Variants in PTPRD observed in about 807,000 individuals in gnomAD.
PTPRD encodes protein tyrosine phosphatase receptor type D, also known as receptor-type tyrosine-protein phosphatase delta.
PTPRD carries 34 observed loss-of-function variants against 214.5 expected under a neutral mutation model. The ratio of observed to expected loss-of-function variants is 0.16; its 90% CI spans 0.12 to 0.21. The LOEUF (loss-of-function observed/expected upper bound fraction) is 0.21, where lower values mean the gene tolerates loss of function less well. Ranked by LOEUF, PTPRD falls within the 10% of genes least tolerant of loss-of-function variation. PTPRD has a pLI of 1.00. For missense variants in PTPRD, 2,545 were observed against 2,398.7 expected, an observed-to-expected ratio of 1.06 and a Z score of -1.27; for synonymous variants, 1,128 against 845.7, an observed-to-expected ratio of 1.33 and a Z score of -5.79.
chr9:8,966,748 A>G (rs2099197777), intron 11 of PTPRD, among the ~76,000 whole-genome samples: 1 of 151,970 alleles, frequency 6.6e-6, no homozygotes, highest in African/African-American at 2.4e-5. Context: ...AAACCAAAAC[A>G]TGACAAATTA....
At chr9:9,759,230 T>C (rs2098626690) in intron 6 of PTPRD, among the ~76,000 whole-genome samples, 1 of 152,200 alleles carries the variant, frequency 6.6e-6, no homozygotes, top group Admixed American at 6.5e-5. Flanking sequence ...CTAGCCTGTG[T>C]TCAGTCAGTC....
intron 5 of PTPRD, among the ~76,000 whole-genome samples, chr9:9,874,305 A>G (rs1419245593): frequency 1.3e-5 from 2 of 152,152 alleles, no homozygotes; most frequent in African/African-American, 4.8e-5. Context: ...CTAATTTTTG[A>G]TTATATAATC....
chr9:9,061,742 C>A (rs2099707813), intron 10 of PTPRD, among the ~76,000 whole-genome samples: 2 of 152,098 alleles, frequency 1.3e-5, no homozygotes, highest in African/African-American at 4.8e-5. Flanking sequence ...ATTCTGTATC[C>A]TACCGAGGGC....
chr9:9,187,270 A>G (rs2099932182), intron 9 of PTPRD, among the ~76,000 whole-genome samples: 1 of 152,036 alleles, frequency 6.6e-6, no homozygotes, highest in Non-Finnish European at 1.5e-5. Flanking sequence ...AGATTTCATT[A>G]GGAAGCTTTC....
intron 3 of PTPRD, among the ~76,000 whole-genome samples, chr9:10,212,488 T>A (rs1192488203): frequency 6.6e-6 from 1 of 152,160 alleles, no homozygotes; most frequent in African/African-American, 2.4e-5. Context: ...GCATTATTCA[T>A]TTTCATAGTG....
chr9:8,889,776 G>A (rs192858006), intron 11 of PTPRD, among the ~76,000 whole-genome samples: 1 of 152,150 alleles, frequency 6.6e-6, no homozygotes, highest in Non-Finnish European at 1.5e-5. Context: ...TCCAGGTTGC[G>A]TGAATGTCAT....
chr9:9,927,792 T>A (rs989918275), intron 5 of PTPRD, among the ~76,000 whole-genome samples: 4 of 152,146 alleles, frequency 2.6e-5, no homozygotes, highest in Non-Finnish European at 5.9e-5. Flanking sequence ...GAGAGCCATC[T>A]TTTTCAGAGT....
In PTPRD at chr9:10,585,646, A is replaced by G. The variant is rs2073646632; in HGVS notation, c.-600+26752T>C. The stretch of plus-strand genomic sequence containing the variant: ...TTTTAAAAAATATAGTGAAGGGGGA[A>G]ATTTAAAGTATCTCTAAATTGTAGG... On this transcript the variant is annotated intron_variant, in intron 2 of 45. Transcript: ENST00000381196. Among the ~76,000 whole-genome samples the G allele has an allele frequency of 2.0e-5, 3 of 152,158 alleles. No homozygotes were observed. The South Asian group carries it at 6.2e-4, about 32-fold the overall frequency.
chr9:8,854,905 T>C (rs1162181407), intron 11 of PTPRD, among the ~76,000 whole-genome samples: 1 of 152,184 alleles, frequency 6.6e-6, no homozygotes, highest in African/African-American at 2.4e-5. Context: ...ATGTTCCTTC[T>C]TGTTTATCTT....
chr9:9,899,540 G>T (rs2075875625), intron 5 of PTPRD, among the ~76,000 whole-genome samples: 1 of 151,964 alleles, frequency 6.6e-6, no homozygotes, highest in Admixed American at 6.6e-5. Flanking sequence ...TTATCAAAAA[G>T]ATGAAAGATA....
At chr9:10,056,522 T>C (rs1354967479) in intron 3 of PTPRD, among the ~76,000 whole-genome samples, 5 of 152,112 alleles carry the variant, frequency 3.3e-5, no homozygotes, top group Admixed American at 1.3e-4. Flanking sequence ...TTTACTCTGT[T>C]CTTTGTTTTT....
chr9:9,036,699 G>C (rs2099622946), intron 10 of PTPRD, among the ~76,000 whole-genome samples: 1 of 152,072 alleles, frequency 6.6e-6, no homozygotes, highest in Non-Finnish European at 1.5e-5. Flanking sequence ...AAAATGTATT[G>C]TTTATCTTTA....
intron 9 of PTPRD, among the ~76,000 whole-genome samples, chr9:9,275,169 T>A (rs1319288062): frequency 1.3e-4 from 5 of 37,882 alleles, no homozygotes; most frequent in Non-Finnish European, 2.2e-4. Flanking sequence ...ATATAACATA[T>A]ATATAATATA....
chr9:10,071,447 A>G (rs1471702064), intron 3 of PTPRD, among the ~76,000 whole-genome samples: 1 of 152,072 alleles, frequency 6.6e-6, no homozygotes, highest in Non-Finnish European at 1.5e-5. Context: ...GAAACAGAAT[A>G]CAGAGTTCAG....
chr9:9,544,223 T>G (rs1490916882), intron 8 of PTPRD, among the ~76,000 whole-genome samples: 1 of 151,650 alleles, frequency 6.6e-6, no homozygotes, highest in East Asian at 1.9e-4. Context: ...CTAAAAATTG[T>G]ACTATAAGAA....
At chr9:10,289,387 G>A (rs947843181) in intron 3 of PTPRD, among the ~76,000 whole-genome samples, 1 of 152,124 alleles carries the variant, frequency 6.6e-6, no homozygotes, top group Non-Finnish European at 1.5e-5. Flanking sequence ...TGAGGTGTTG[G>A]AGATGTGCAG....
intron 4 of PTPRD, among the ~76,000 whole-genome samples, chr9:9,976,856 T>A (rs1288902958): frequency 6.6e-6 from 1 of 151,962 alleles, no homozygotes; most frequent in Non-Finnish European, 1.5e-5. Context: ...AATAACAAGT[T>A]AAATTTTTAA....
chr9:9,844,237 T>C (rs1273737466), intron 5 of PTPRD, among the ~76,000 whole-genome samples: 1 of 152,064 alleles, frequency 6.6e-6, no homozygotes, highest in African/African-American at 2.4e-5. Context: ...ATGTGATTTT[T>C]ATACACACAC....
chr9:9,999,437 C>A (rs2154091039), intron 4 of PTPRD, among the ~76,000 whole-genome samples: 1 of 152,286 alleles, frequency 6.6e-6, no homozygotes, highest in African/African-American at 2.4e-5. Flanking sequence ...CCTTCCCTCT[C>A]AAAATTTGCC....
Sources: gnomAD v4.1 joint callset for allele counts (sites outside exome capture counted in the v4.1 genomes callset) on GRCh38, gnomAD v4.1.1 for gene constraint, MANE v1.5 for transcripts, NCBI Gene and HGNC (gene_info 2026-07-23, HGNC 2026-07-21) for gene names.